The following NCAM1 variants were observed in gnomAD, a reference collection of about 807,000 sequenced individuals.
NCAM1 encodes the protein antigen recognized by monoclonal antibody 5.1H11.
NCAM1 carries 14 observed loss-of-function variants against 109.8 expected under a neutral mutation model. The ratio of observed to expected loss-of-function variants is 0.13; its 90% confidence interval spans 0.08 to 0.20. The LOEUF (loss-of-function observed/expected upper bound fraction) is 0.20, where lower values mean the gene tolerates loss of function less well. Ranked by LOEUF, NCAM1 falls within the 10% of genes least tolerant of loss-of-function variation. NCAM1 has a pLI of 1.00. For synonymous variants in NCAM1, 418 were observed against 442.9 expected (o/e 0.94, Z 0.70); for missense variants, 774 against 1,109.9 (o/e 0.70, Z 4.30).
At chr11:113,191,846 G>A (rs1259781953) in intron 1 of NCAM1, among the ~76,000 whole-genome samples, 1 of 151,784 alleles carries the variant, frequency 6.6e-6, no homozygotes, top group Non-Finnish European at 1.5e-5. Context: ...ACAATTCTTT[G>A]CACTGGTTGT....
At chr11:113,147,429 T>C (rs936936594) in intron 1 of NCAM1, among the ~76,000 whole-genome samples, 18 of 152,224 alleles carry the variant, frequency 1.2e-4, no homozygotes, top group African/African-American at 4.3e-4. Flanking sequence ...CAGAAGCCCA[T>C]TGTCAGCGAC....
intron 1 of NCAM1, among the ~76,000 whole-genome samples, chr11:113,014,860 G>A (rs1051957663): frequency 1.3e-5 from 2 of 152,196 alleles, no homozygotes; most frequent in Non-Finnish European, 2.9e-5. Context: ...GCAGTGCTGG[G>A]AGCTTGAGGC....
chr11:112,972,617 G>A (rs569210315), intron 1 of NCAM1, among the ~76,000 whole-genome samples: 2 of 152,262 alleles, frequency 1.3e-5, no homozygotes, highest in South Asian at 4.1e-4. Context: ...TGTTGTCTGA[G>A]TTTTTGATAA....
chr11:113,243,581 A>G (rs782359504), intron 14 of NCAM1: 2 of 518,800 alleles, frequency 3.9e-6, no homozygotes, highest in Non-Finnish European at 3.8e-6. Context: ...CTGCTGTAAC[A>G]TGTTCCAAGC....
intron 1 of NCAM1, among the ~76,000 whole-genome samples, chr11:113,141,656 C>T (rs1318510242): frequency 6.6e-6 from 1 of 152,004 alleles, no homozygotes; most frequent in African/African-American, 2.4e-5. Flanking sequence ...TCAAAACAAA[C>T]AAACAAACAA....
chr11:113,194,507 G>A (rs1943792883), intron 1 of NCAM1, among the ~76,000 whole-genome samples: 1 of 152,180 alleles, frequency 6.6e-6, no homozygotes, highest in South Asian at 2.1e-4. Context: ...AAACCTGCTT[G>A]CTCTATGAGT....
intron 1 of NCAM1, among the ~76,000 whole-genome samples, chr11:113,042,985 G>A (rs542649246): frequency 1.3e-5 from 2 of 152,216 alleles, no homozygotes; most frequent in South Asian, 2.1e-4. Flanking sequence ...CTCATCATTT[G>A]TATTCTCAAA....
intron 1 of NCAM1, among the ~76,000 whole-genome samples, chr11:112,985,448 T>C (rs1392333592): frequency 6.6e-6 from 1 of 152,058 alleles, no homozygotes; most frequent in African/African-American, 2.4e-5. Context: ...GTAGTTTTGA[T>C]AGTGATTGCA....
intron 1 of NCAM1, among the ~76,000 whole-genome samples, chr11:113,099,939 G>T (rs781804226): frequency 6.6e-6 from 1 of 152,096 alleles, no homozygotes; most frequent in Admixed American, 6.5e-5. Flanking sequence ...TGCCCGCCTC[G>T]GCCTCCCAGT....
chr11:113,069,062 A>G (rs1384837910), intron 1 of NCAM1, among the ~76,000 whole-genome samples: 1 of 152,056 alleles, frequency 6.6e-6, no homozygotes, highest in Non-Finnish European at 1.5e-5. Flanking sequence ...ATTGCCTCCT[A>G]TGTGCTGGGT....
At chr11:113,231,066 T>C in intron 9 of NCAM1, 1 of 873,224 alleles carries the variant, frequency 1.1e-6, no homozygotes, top group East Asian at 2.7e-5. Flanking sequence ...TGGCTCCTGA[T>C]CTTTGAGTTG....
intron 1 of NCAM1, among the ~76,000 whole-genome samples, chr11:113,028,754 T>A (rs1302377151): frequency 6.6e-6 from 1 of 152,198 alleles, no homozygotes; most frequent in Non-Finnish European, 1.5e-5. Context: ...GGTCATTTGG[T>A]TTTTACTTTA....
intron 1 of NCAM1, among the ~76,000 whole-genome samples, chr11:113,017,228 C>T (rs1382041208): frequency 1.3e-5 from 2 of 152,024 alleles, no homozygotes; most frequent in African/African-American, 4.8e-5. Flanking sequence ...TTGTTTGGTC[C>T]CTTGGAGCTG....
chr11:113,210,381 C>T (rs944548781), intron 7 of NCAM1, among the ~76,000 whole-genome samples: 5 of 152,076 alleles, frequency 3.3e-5, no homozygotes, highest in Non-Finnish European at 5.9e-5. Flanking sequence ...GGATTCAAAC[C>T]GAGGCAGGTG....
chr11:113,117,651 C>T (rs781868600), intron 1 of NCAM1, among the ~76,000 whole-genome samples: 4 of 151,914 alleles, frequency 2.6e-5, no homozygotes, highest in East Asian at 1.9e-4. Context: ...TGAGGGAAAA[C>T]GAAATTGTGT....
At chr11:113,090,926 C>T (rs1555089249) in intron 1 of NCAM1, among the ~76,000 whole-genome samples, 1 of 152,062 alleles carries the variant, frequency 6.6e-6, no homozygotes, top group African/African-American at 2.4e-5. Flanking sequence ...TTCTCTTGAG[C>T]TCACATCCTA....
intron 1 of NCAM1, among the ~76,000 whole-genome samples, chr11:113,147,401 C>CT (rs1384409918): frequency 6.6e-6 from 1 of 152,220 alleles, no homozygotes; most frequent in Non-Finnish European, 1.5e-5. Context: ...GAGCAAAGGC[C>CT]TTTGCAGGAG....
At chr11:113,222,811 A>G (rs2137110874) in intron 9 of NCAM1, among the ~76,000 whole-genome samples, 1 of 152,172 alleles carries the variant, frequency 6.6e-6, no homozygotes, top group South Asian at 2.1e-4. Flanking sequence ...GAAAGCAGAC[A>G]CCTCACTCTG....
chr11:113,254,772 G>A (rs928415016), intron 15 of NCAM1, among the ~76,000 whole-genome samples: 5 of 152,192 alleles, frequency 3.3e-5, no homozygotes, highest in Non-Finnish European at 1.5e-5. Context: ...GAAGGTAACT[G>A]TTTTGTAGCC....
Sources: allele counts gnomAD v4.1 joint callset (sites outside exome capture counted in the v4.1 genomes callset), GRCh38; gene constraint gnomAD v4.1.1; transcripts MANE v1.5; gene names NCBI Gene and HGNC (gene_info 2026-07-23, HGNC 2026-07-21).